Variants in KIF13B observed in about 807,000 individuals in gnomAD.
KIF13B encodes kinesin family member 13B, also known as kinesin-like protein KIF13B.
KIF13B carries 127 observed loss-of-function variants against 222.0 expected under a neutral mutation model. The ratio of observed to expected loss-of-function variants is 0.57; its 90% CI spans 0.50 to 0.66. The LOEUF (loss-of-function observed/expected upper bound fraction) is 0.66, where lower values mean the gene tolerates loss of function less well. Among genes scored for constraint, KIF13B ranks in the 30% least tolerant of loss-of-function variants. KIF13B has a pLI of 0.00. For missense variants in KIF13B, 2,173 were observed against 2,379.0 expected, an observed-to-expected ratio of 0.91 and a Z score of 1.80; for synonymous variants, 976 against 919.0, an observed-to-expected ratio of 1.06 and a Z score of -1.12.
chr8:29,113,781 T>C (rs181819249), intron 31 of KIF13B, among the ~76,000 whole-genome samples: 132 of 152,248 alleles, frequency 8.7e-4, no homozygotes, highest in African/African-American at 3.0e-3. Flanking sequence ...ACACCCAACA[T>C]AGGAAAAGTA....
chr8:29,250,025 T>C (rs543579188), intron 1 of KIF13B: 1 of 1,289,170 alleles, frequency 7.8e-7, no homozygotes, highest in East Asian at 5.5e-5. Flanking sequence ...GAGAGTTTCT[T>C]AAAACCACTG....
chr8:29,113,110 C>T (rs1809432462), intron 32 of KIF13B, among the ~76,000 whole-genome samples: 1 of 152,136 alleles, frequency 6.6e-6, no homozygotes, highest in South Asian at 2.1e-4. Flanking sequence ...GTTCACTCTG[C>T]TAATAAGTGA....
chr8:29,180,146 G>A lies in KIF13B; in HGVS notation c.678C>T (p.Phe226=), dbSNP rs1812652690. ...NEESSRSHAV[F]KITLTHTLYD... ...AGAGAGTATGTGTGAGGGTGATTTT[G>A]AAAACTGCATGGGATCGGCTACTCT... is the stretch of plus-strand genomic sequence containing the variant. Residue 226 remains phenylalanine (F), a synonymous_variant, in exon 8 of 40, where the codon TTC becomes TTT. Transcript: ENST00000524189. 1 of 1,614,004 alleles carries A rather than the reference G, an allele frequency of 6.2e-7. No homozygotes were observed. Among genetic ancestry groups the A allele is most frequent in the East Asian group, 2.2e-5 (1 of 44,888 alleles).
chr8:29,245,408 A>G lies in KIF13B; in HGVS notation c.87T>C (p.Asp29=). The change falls in exon 2 of 40, where the codon GAT becomes GAC. Residue 29 remains aspartate, a synonymous_variant. Coordinates refer to ENST00000524189, the MANE Select transcript of KIF13B (RefSeq NM_015254.4). Reference sequence around the variant, plus strand: ...TAAGAATAACCTTGTTTGCATCCACATCCACCACACATTTGGTATGCAAGT... The same window carrying G: ...TAAGAATAACCTTGTTTGCATCCACGTCCACCACACATTTGGTATGCAAGT... ...ETDLHTKCVV[D]VDANKVILNP... is the part of the protein sequence containing the mutation. 1 of 1,602,592 alleles carries G rather than the reference A, an allele frequency of 6.2e-7. No individual in the cohort carries two copies. Among genetic ancestry groups the G allele is most frequent in the Non-Finnish European group, 8.5e-7 (1 of 1,173,750 alleles).
chr8:29,221,432 T>A (rs1702322191), intron 2 of KIF13B, among the ~76,000 whole-genome samples: 2 of 146,488 alleles, frequency 1.4e-5, no homozygotes, highest in South Asian at 2.1e-4. Context: ...GCCACTGCAC[T>A]CCAGCTTGGG....
At chr8:29,141,176 A>T (rs1309655986) in intron 19 of KIF13B, among the ~76,000 whole-genome samples, 1 of 152,206 alleles carries the variant, frequency 6.6e-6, no homozygotes, top group African/African-American at 2.4e-5. Flanking sequence ...TCTAATAAAA[A>T]TACAAAAATT....
At chr8:29,143,904 TC>T (rs1301594463) in intron 18 of KIF13B, among the ~76,000 whole-genome samples, 1 of 150,756 alleles carries the variant, frequency 6.6e-6, no homozygotes, top group Admixed American at 6.6e-5. Context: ...GTATCACACC[TC>T]CCCCCCAAAA....
chr8:29,143,532 C>G (rs1047610819), intron 18 of KIF13B, among the ~76,000 whole-genome samples: 1 of 152,192 alleles, frequency 6.6e-6, no homozygotes, highest in East Asian at 1.9e-4. Context: ...GTGCCAAATG[C>G]CACTGAGTTA....
intron 10 of KIF13B, among the ~76,000 whole-genome samples, chr8:29,169,316 C>T (rs1048956806): frequency 6.6e-6 from 1 of 152,192 alleles, no homozygotes; most frequent in African/African-American, 2.4e-5. Context: ...AAATCTAGAA[C>T]TGGTAAGTTG....
intron 12 of KIF13B, among the ~76,000 whole-genome samples, chr8:29,164,995 G>T (rs1179654714): frequency 6.6e-6 from 1 of 152,056 alleles, no homozygotes; most frequent in East Asian, 1.9e-4. Context: ...CTACAGGTGT[G>T]TGCCACCACG....
At position 29,075,313 on chromosome 8, in the gene KIF13B, T is replaced by C. The variant is rs1484387808; in HGVS notation, c.4489A>G (p.Ser1497Gly). 33 of 1,559,346 alleles carry C rather than the reference T, an allele frequency of 2.1e-5. No homozygotes were observed. Among genetic ancestry groups the C allele is most frequent in the Non-Finnish European group, 2.8e-5 (32 of 1,151,166 alleles). The part of the protein sequence containing the change: ...PVPRIMVQSA[S>G]PDIRVTRMEE... ...ATCCTGGTCACCCTGATGTCCGGGC[T>C]GGCTGACTGCACCATGATGCGGGGC... The change falls in exon 38 of 40, where the codon AGC becomes GGC. Residue 1497 changes from serine (S) to glycine (G), a missense_variant. By Grantham distance (56) the Ser-to-Gly change is moderately conservative. This residue lies in a region of KIF13B where 693 missense variants were observed against 656.2 expected (regional missense o/e 1.06). Coordinates refer to ENST00000524189, the MANE Select transcript of KIF13B (RefSeq NM_015254.4).
At chr8:29,226,676 T>C (rs1318885294) in intron 2 of KIF13B, among the ~76,000 whole-genome samples, 5 of 152,228 alleles carry the variant, frequency 3.3e-5, no homozygotes, top group African/African-American at 9.6e-5. Context: ...CAGTCAAGAC[T>C]AAATGTTAAA....
chr8:29,253,283 G>T (rs1400463315), intron 1 of KIF13B, among the ~76,000 whole-genome samples: 1 of 152,210 alleles, frequency 6.6e-6, no homozygotes, highest in Non-Finnish European at 1.5e-5. Context: ...GTTACAGGCT[G>T]TGATGAGCTA....
At chr8:29,143,708 T>G (rs534234780) in intron 18 of KIF13B, among the ~76,000 whole-genome samples, 2 of 152,066 alleles carry the variant, frequency 1.3e-5, no homozygotes, top group South Asian at 4.2e-4. Flanking sequence ...TAGCCAGGCA[T>G]GGTGGTGGGC....
intron 35 of KIF13B, among the ~76,000 whole-genome samples, chr8:29,102,622 G>A (rs1367826786): frequency 6.6e-6 from 1 of 152,178 alleles, no homozygotes; most frequent in Non-Finnish European, 1.5e-5. Context: ...TGGGTTTTCT[G>A]GGAATGAGTC....
At chr8:29,092,559 C>T (rs976765745) in intron 37 of KIF13B, among the ~76,000 whole-genome samples, 186 bp downstream of exon 37, 4 of 152,046 alleles carry the variant, frequency 2.6e-5, no homozygotes, top group African/African-American at 7.3e-5. Flanking sequence ...GGAGTGTGTC[C>T]GTAAGTTTAA....
chr8:29,165,397 A>G (rs191383908), intron 12 of KIF13B, among the ~76,000 whole-genome samples: 66 of 152,322 alleles, frequency 4.3e-4, no homozygotes, highest in African/African-American at 1.6e-3. Flanking sequence ...CAGGGGCTAC[A>G]AAGGAGTTAT....
intron 2 of KIF13B, among the ~76,000 whole-genome samples, chr8:29,231,437 G>A (rs1815281362): frequency 6.6e-6 from 1 of 152,210 alleles, no homozygotes; most frequent in Non-Finnish European, 1.5e-5. Context: ...AAAGAAGAGG[G>A]CAGGTGGCAA....
Position 29,109,932 on chromosome 8 carries a change from C to G in KIF13B, c.4069G>C (p.Asp1357His). The G allele has an allele frequency of 6.2e-7, 1 of 1,613,662 alleles. No homozygotes were observed. The highest frequency in any genetic ancestry group is 1.1e-5 in the South Asian group (1 of 90,950). Residue 1357 changes from aspartate (D) to histidine (H), a missense_variant, in exon 33 of 40, where the codon GAT becomes CAT. Asp to His is a moderately conservative substitution (Grantham distance 81). This residue lies in a region of KIF13B where 1,480 missense variants were observed against 1,722.8 expected (regional missense o/e 0.86). Coordinates refer to ENST00000524189, the MANE Select transcript of KIF13B (RefSeq NM_015254.4). ...VLAVENLLTL[D>H]RLRQEVAVKE... The stretch of plus-strand genomic sequence containing the variant: ...GGTTGGCTAACCTGGCGCAGACGAT[C>G]TAAAGTCAGGAGGTTTTCTACAGCC...
Sources: allele counts gnomAD v4.1 joint callset (sites outside exome capture counted in the v4.1 genomes callset), GRCh38; gene constraint gnomAD v4.1.1; regional missense constraint gnomAD v4.1.1; transcripts MANE v1.5; gene names NCBI Gene and HGNC (gene_info 2026-07-23, HGNC 2026-07-21).